The following TMPRSS11F variants were observed in gnomAD, a reference collection of about 807,000 sequenced individuals.
TMPRSS11F encodes the protein transmembrane protease serine 11F.
In TMPRSS11F, 47 loss-of-function variants were observed where a neutral mutation model predicts 60.2. That is an observed-to-expected ratio of 0.78 (90% CI 0.62 to 1.00). TMPRSS11F has a LOEUF of 1.00. Among genes scored for constraint, TMPRSS11F ranks in the 50% least tolerant of loss-of-function variants. The probability of loss-of-function intolerance (pLI) is 0.00; values close to 1 mark genes in which losing one functional copy is unlikely to be tolerated. For synonymous variants in TMPRSS11F, 166 were observed against 167.3 expected, an observed-to-expected ratio of 0.99 and a Z score of 0.06; for missense variants, 519 against 522.9, an observed-to-expected ratio of 0.99 and a Z score of 0.07.
chr4:68,111,643 A>G (rs1232182625), intron 1 of TMPRSS11F, among the ~76,000 whole-genome samples: 1 of 152,206 alleles, frequency 6.6e-6, no homozygotes, highest in Non-Finnish European at 1.5e-5. Context: ...CCCAAATGCC[A>G]TCTTGAGGAG....
chr4:68,088,839 T>C (rs1296950518), intron 3 of TMPRSS11F, among the ~76,000 whole-genome samples: 1 of 151,912 alleles, frequency 6.6e-6, no homozygotes, highest in Non-Finnish European at 1.5e-5. Flanking sequence ...TAGGAATATA[T>C]CTAATCGAAG....
chr4:68,104,818 G>A (rs192461608), intron 1 of TMPRSS11F, among the ~76,000 whole-genome samples: 31 of 152,242 alleles, frequency 2.0e-4, no homozygotes, highest in African/African-American at 6.7e-4. Flanking sequence ...ATTGATTGAT[G>A]TATGTATGTT....
intron 2 of TMPRSS11F, among the ~76,000 whole-genome samples, chr4:68,094,744 T>A (rs972746479): frequency 2.0e-5 from 3 of 151,948 alleles, no homozygotes; most frequent in African/African-American, 7.2e-5. Context: ...CTCTTTAGGT[T>A]TTCAAGAAAC....
chr4:68,098,744 A>G (rs1724128887), intron 2 of TMPRSS11F, 143 bp downstream of exon 2: 3 of 758,924 alleles, frequency 4.0e-6, no homozygotes, highest in Non-Finnish European at 6.0e-6. Context: ...CTCAATACAG[A>G]AGCAAACTAT....
chr4:68,126,558 T>C (rs1408273630), intron 1 of TMPRSS11F, among the ~76,000 whole-genome samples: 3 of 152,242 alleles, frequency 2.0e-5, no homozygotes, highest in African/African-American at 7.2e-5. Flanking sequence ...ACGGTAAAAC[T>C]TGAAATTTTC....
intron 9 of TMPRSS11F, among the ~76,000 whole-genome samples, chr4:68,057,459 A>G (rs1389694785): frequency 6.6e-6 from 1 of 152,110 alleles, no homozygotes; most frequent in Non-Finnish European, 1.5e-5. Context: ...ATTTTTGAAT[A>G]TTACCTCAAA....
At chr4:68,111,937 A>G (rs1384085433) in intron 1 of TMPRSS11F, among the ~76,000 whole-genome samples, 1 of 152,162 alleles carries the variant, frequency 6.6e-6, no homozygotes, top group Non-Finnish European at 1.5e-5. Flanking sequence ...AAAACCAATG[A>G]TTTGGGTTAA....
intron 7 of TMPRSS11F, among the ~76,000 whole-genome samples, chr4:68,065,630 C>T (rs2109837346): frequency 6.6e-6 from 1 of 152,260 alleles, no homozygotes; most frequent in East Asian, 1.9e-4. Flanking sequence ...TCTTTACTTC[C>T]TCATGGTCCT....
At chr4:68,090,439 G>C in intron 3 of TMPRSS11F, 84 bp downstream of exon 3, 1 of 1,464,058 alleles carries the variant, frequency 6.8e-7, no homozygotes, top group Non-Finnish European at 9.0e-7. Flanking sequence ...AGAAGAAATT[G>C]AGACTAAGTT....
chr4:68,069,186 C>T (rs113822393), intron 6 of TMPRSS11F, among the ~76,000 whole-genome samples: 1,815 of 152,098 alleles, frequency 0.012, 30 homozygotes, highest in Non-Finnish European at 0.013. Flanking sequence ...TGGCGGTCAC[C>T]CAGCTGGTAA....
intron 1 of TMPRSS11F, among the ~76,000 whole-genome samples, chr4:68,127,523 T>A (rs1442179585): frequency 1.1e-5 from 1 of 93,896 alleles, no homozygotes; most frequent in Non-Finnish European, 2.3e-5. Flanking sequence ...TGGGATACTT[T>A]AAATAGTTCT....
At chr4:68,105,358 T>C (rs1027561833) in intron 1 of TMPRSS11F, among the ~76,000 whole-genome samples, 4 of 152,074 alleles carry the variant, frequency 2.6e-5, no homozygotes, top group Admixed American at 6.6e-5. Flanking sequence ...GTAAACTTTT[T>C]AAAAGTTAAA....
intron 9 of TMPRSS11F, among the ~76,000 whole-genome samples, chr4:68,056,843 T>A (rs1471411701): frequency 6.6e-6 from 1 of 152,146 alleles, no homozygotes; most frequent in Non-Finnish European, 1.5e-5. Flanking sequence ...AACAGATTCA[T>A]CAACTAATGG....
intron 9 of TMPRSS11F, 61 bp downstream of exon 9, chr4:68,059,265 A>C: frequency 6.3e-7 from 1 of 1,579,884 alleles, no homozygotes; most frequent in Non-Finnish European, 8.6e-7. Context: ...ATATATGCCA[A>C]ACTCAGAAAT....
intron 9 of TMPRSS11F, among the ~76,000 whole-genome samples, chr4:68,058,512 T>G (rs886185924): frequency 2.0e-5 from 3 of 152,220 alleles, no homozygotes; most frequent in African/African-American, 7.2e-5. Flanking sequence ...TCATCACATA[T>G]TTTCACCAGT....
chr4:68,079,501 A>T (rs1723650744), intron 3 of TMPRSS11F, among the ~76,000 whole-genome samples: 1 of 152,174 alleles, frequency 6.6e-6, no homozygotes, highest in South Asian at 2.1e-4. Flanking sequence ...GAGATTGTTT[A>T]CTGCTTCTAA....
At chr4:68,070,982 T>TA (rs1234589538) in intron 5 of TMPRSS11F, among the ~76,000 whole-genome samples, 3 of 152,128 alleles carry the variant, frequency 2.0e-5, no homozygotes, top group Non-Finnish European at 2.9e-5. Context: ...ACTTGTATCA[T>TA]AAAAAATCAT....
chr4:68,089,791 T>C (rs971255117), intron 3 of TMPRSS11F, among the ~76,000 whole-genome samples: 7 of 152,128 alleles, frequency 4.6e-5, no homozygotes, highest in Non-Finnish European at 7.4e-5. Context: ...GAGATCAGTG[T>C]CTAAAGCTAA....
intron 1 of TMPRSS11F, among the ~76,000 whole-genome samples, chr4:68,117,705 A>G (rs888710768): frequency 3.3e-5 from 5 of 152,142 alleles, no homozygotes; most frequent in African/African-American, 1.2e-4. Context: ...GGTTGGCTCC[A>G]AGTTCTCAAC....
Sources: allele counts gnomAD v4.1 joint callset (sites outside exome capture counted in the v4.1 genomes callset), GRCh38; gene constraint gnomAD v4.1.1; transcripts MANE v1.5; gene names NCBI Gene and HGNC (gene_info 2026-07-23, HGNC 2026-07-21).